Variants in SRGAP3 observed in about 807,000 individuals in gnomAD.
SRGAP3 encodes the protein SLIT-ROBO Rho GTPase activating protein 3.
SRGAP3 carries 39 observed loss-of-function variants against 121.1 expected under a neutral mutation model. That is an observed-to-expected ratio of 0.32 (90% CI 0.25 to 0.42). The LOEUF is 0.42. Among genes scored for constraint, SRGAP3 ranks in the 10% least tolerant of loss-of-function variants. SRGAP3 has a pLI of 1.00. For synonymous variants in SRGAP3, 601 were observed against 570.0 expected, an observed-to-expected ratio of 1.05 and a Z score of -0.77; for missense variants, 1,213 against 1,470.6, an observed-to-expected ratio of 0.82 and a Z score of 2.86.
At position 9,204,519 on chromosome 3, in the gene SRGAP3, G is replaced by A. The variant is rs369168825; in HGVS notation, c.67+44366C>T. On this transcript the variant is annotated intron_variant, in intron 1 of 21. Transcript: ENST00000383836. ...GCTCCCTGCAGATCTTATCCGTTGG[G>A]AGATAAAATGGAGGAGGGAGGGTGT... is the stretch of plus-strand genomic sequence containing the variant. Among the ~76,000 whole-genome samples, 27 of 152,344 alleles carry A rather than the reference G, an allele frequency of 1.8e-4. 2 individuals carry two copies. Among genetic ancestry groups the A allele is most frequent in the African/African-American group, 6.5e-4 (27 of 41,580 alleles).
At chr3:9,287,857 A>C (rs554720668) in intron 3 of SRGAP3, among the ~76,000 whole-genome samples, 1 of 152,188 alleles carries the variant, frequency 6.6e-6, no homozygotes, top group African/African-American at 2.4e-5. Context: ...TCTGTCTTTC[A>C]CTCTGATTGC....
At chr3:9,270,157 C>G (rs2125260112) in intron 3 of SRGAP3, among the ~76,000 whole-genome samples, 1 of 152,106 alleles carries the variant, frequency 6.6e-6, no homozygotes, top group South Asian at 2.1e-4. Flanking sequence ...CAGTGGACAC[C>G]TATAGGAAAT....
chr3:9,028,694 C>A (rs1198952226), intron 12 of SRGAP3, among the ~76,000 whole-genome samples: 1 of 152,198 alleles, frequency 6.6e-6, no homozygotes, highest in African/African-American at 2.4e-5. Context: ...AGGTTTCCAC[C>A]TGATGCCAAA....
rs557703657 is a variant in SRGAP3 at position 8,981,061 on chromosome 3, G to A, written c.*4458C>T. 1.4e-4 allele frequency: 32 copies of A among 233,032 alleles called. No homozygotes were observed. Among genetic ancestry groups the A allele is most frequent in the African/African-American group, 5.1e-4 (23 of 45,438 alleles). 14.4% of individuals were successfully genotyped at this position (233,032 alleles called of 1,614,324 possible). A position where few individuals can be genotyped will look rare whatever the true frequency, so the allele number is the denominator to read the frequency against. On this transcript the variant is annotated 3_prime_UTR_variant, in exon 22 of 22. Coordinates refer to ENST00000383836, the MANE Select transcript of SRGAP3 (RefSeq NM_014850.4). ...AAAGGAGGTGTCAACAAGGGGCAGC[G>A]ATGGCCATGTGGCCAGTCCCAGAGG... is the stretch of plus-strand genomic sequence containing the variant.
chr3:9,076,682 C>A (rs1459891515), intron 4 of SRGAP3, among the ~76,000 whole-genome samples: 1 of 152,130 alleles, frequency 6.6e-6, no homozygotes, highest in East Asian at 1.9e-4. Flanking sequence ...TTTTCTGAAT[C>A]TTTTTCCTTC....
intron 4 of SRGAP3, among the ~76,000 whole-genome samples, chr3:9,079,607 C>A (rs1012453108): frequency 1.3e-5 from 2 of 152,196 alleles, no homozygotes; most frequent in African/African-American, 4.8e-5. Context: ...GAGACCCAGA[C>A]AAACTGCCCA....
chr3:9,187,130 A>G (rs1002329888), intron 1 of SRGAP3, among the ~76,000 whole-genome samples: 2 of 91,898 alleles, frequency 2.2e-5, no homozygotes, highest in African/African-American at 8.4e-5. Context: ...ACCCCCCGAC[A>G]GGCCCTGGTG....
intron 3 of SRGAP3, among the ~76,000 whole-genome samples, chr3:9,313,402 T>A (rs1201212472): frequency 6.6e-6 from 1 of 152,124 alleles, no homozygotes; most frequent in Non-Finnish European, 1.5e-5. Context: ...AGGTAGCTCA[T>A]AATTGGCCAG....
chr3:9,036,608 C>A (rs1228643768), intron 11 of SRGAP3: 2 of 152,282 alleles, frequency 1.3e-5, no homozygotes, highest in Non-Finnish European at 2.9e-5. Flanking sequence ...AAACCCTCAA[C>A]TTTCCCCTGA....
At chr3:9,135,239 T>C (rs1238985945) in intron 1 of SRGAP3, among the ~76,000 whole-genome samples, 1 of 152,230 alleles carries the variant, frequency 6.6e-6, no homozygotes, top group Non-Finnish European at 1.5e-5. Context: ...AAGCTATGAT[T>C]ATCATTTATT....
chr3:9,154,961 A>G (rs572208346), intron 1 of SRGAP3, among the ~76,000 whole-genome samples: 3 of 151,106 alleles, frequency 2.0e-5, no homozygotes, highest in African/African-American at 7.3e-5. Flanking sequence ...TATTTCATCA[A>G]TCTCCAGGCT....
chr3:9,013,324 C>T lies in SRGAP3; in HGVS notation c.2131G>A (p.Gly711Arg). The change falls in exon 17 of 22, where the codon GGA (glycine) becomes AGA (arginine). Residue 711 changes from glycine (G) to arginine (R), a missense_variant. By Grantham distance (125) the Gly-to-Arg change is moderately radical (BLOSUM62 -2). Coordinates refer to ENST00000383836, the MANE Select transcript of SRGAP3 (RefSeq NM_014850.4). The part of the protein sequence containing the change: ...EGPVYEKCMA[G>R]GEEYCDSPHS... ...GCATCTTACCAATATTCTTCCCCTCCAGCCATGCATTTTTCATACACAGGT... is the reference window on the plus strand; with the variant it reads ...GCATCTTACCAATATTCTTCCCCTCTAGCCATGCATTTTTCATACACAGGT... 6.2e-7 allele frequency: 1 copy of T among 1,614,052 alleles called. No individual in the cohort carries two copies. The highest frequency in any genetic ancestry group is 8.5e-7 in the Non-Finnish European group (1 of 1,179,998).
rs940990405 is a variant in SRGAP3 at position 9,117,456 on chromosome 3, C to T, written c.260+7269G>A. On this transcript the variant is annotated intron_variant, in intron 2 of 21. Coordinates refer to ENST00000383836, the MANE Select transcript of SRGAP3 (RefSeq NM_014850.4). ...AAAGATGCTCCAAACCTCCTTTGCA[C>T]AGGATATCTGCATAGAATATTATTC... Among the ~76,000 whole-genome samples the T allele has an allele frequency of 2.0e-5, 3 of 152,228 alleles. No individual in the cohort carries two copies. In the East Asian group the frequency reaches 5.8e-4, roughly 29 times the overall value.
intron 20 of SRGAP3, among the ~76,000 whole-genome samples, chr3:8,991,147 TCCAA>T (rs1327036380): frequency 6.6e-6 from 1 of 152,182 alleles, no homozygotes; most frequent in Admixed American, 6.5e-5. Context: ...CCTACAGGAT[TCCAA>T]CCCTGGAAAC....
chr3:9,139,932 C>G (rs1478379082), intron 1 of SRGAP3, among the ~76,000 whole-genome samples: 1 of 152,054 alleles, frequency 6.6e-6, no homozygotes. Flanking sequence ...TATCATACAC[C>G]ACCACATCAA....
chr3:9,245,798 C>G (rs1422968385), intron 1 of SRGAP3, among the ~76,000 whole-genome samples: 1 of 152,132 alleles, frequency 6.6e-6, no homozygotes, highest in Non-Finnish European at 1.5e-5. Flanking sequence ...GTGGCACGTG[C>G]CTGTAATGCC....
intron 1 of SRGAP3, among the ~76,000 whole-genome samples, chr3:9,170,865 T>G (rs895793865): frequency 3.3e-5 from 5 of 152,128 alleles, no homozygotes; most frequent in Non-Finnish European, 5.9e-5. Flanking sequence ...ATGAGCACTG[T>G]CTCAGCGCTG....
At chr3:9,241,979 G>A (rs2600172) in intron 1 of SRGAP3, among the ~76,000 whole-genome samples, 5 of 151,022 alleles carry the variant, frequency 3.3e-5, no homozygotes, top group African/African-American at 1.2e-4. Context: ...TCGGGAGGCT[G>A]AGGTGGGAGG....
intron 3 of SRGAP3, among the ~76,000 whole-genome samples, chr3:9,288,136 T>TG (rs1371194501): frequency 2.3e-4 from 34 of 150,664 alleles, no homozygotes; most frequent in African/African-American, 4.4e-4. Context: ...CTTTGTTTTT[T>TG]TTTTTTTTTT....
Sources: gnomAD v4.1 joint callset for allele counts (sites outside exome capture counted in the v4.1 genomes callset) on GRCh38, gnomAD v4.1.1 for gene constraint, MANE v1.5 for transcripts, NCBI Gene and HGNC (gene_info 2026-07-23, HGNC 2026-07-21) for gene names.